The following MIPOL1 variants were observed in gnomAD, a reference collection of about 807,000 sequenced individuals.
MIPOL1 encodes mirror-image polydactyly gene 1 protein.
In MIPOL1, 57 loss-of-function variants were observed where a neutral mutation model predicts 60.9. That is an observed-to-expected ratio of 0.94 (90% confidence interval 0.76 to 1.17). The LOEUF is 1.17. MIPOL1 is among the 50% of genes most tolerant of loss of function. The pLI is 0.00. For missense variants in MIPOL1, 551 were observed against 511.6 expected, an observed-to-expected ratio of 1.08 and a Z score of -0.74; for synonymous variants, 179 against 168.8, an observed-to-expected ratio of 1.06 and a Z score of -0.47.
chr14:37,525,665 C>T (rs2095442032), intron 12 of MIPOL1, among the ~76,000 whole-genome samples: 1 of 152,154 alleles, frequency 6.6e-6, no homozygotes, highest in Non-Finnish European at 1.5e-5. Flanking sequence ...TAATCAAACA[C>T]ATGAATGTTT....
intron 9 of MIPOL1, among the ~76,000 whole-genome samples, chr14:37,318,083 G>A (rs1318402482): frequency 1.3e-5 from 2 of 152,180 alleles, no homozygotes; most frequent in Admixed American, 1.3e-4. Context: ...AGCAGTCACT[G>A]TGATAAAGCA....
At chr14:37,398,458 A>G (rs1042869693) in intron 10 of MIPOL1, among the ~76,000 whole-genome samples, 1 of 152,110 alleles carries the variant, frequency 6.6e-6, no homozygotes, top group East Asian at 1.9e-4. Context: ...TGCTGTGTCC[A>G]TCCGAGTAGG....
At chr14:37,260,257 AAG>A in intron 3 of MIPOL1, among the ~76,000 whole-genome samples, 1 of 151,878 alleles carries the variant, frequency 6.6e-6, no homozygotes, top group Non-Finnish European at 1.5e-5. Flanking sequence ...AAAAAAAAAA[AAG>A]GAAACCTAAT....
At chr14:37,472,505 G>A (rs1467895163) in intron 11 of MIPOL1, among the ~76,000 whole-genome samples, 1 of 152,060 alleles carries the variant, frequency 6.6e-6, no homozygotes, top group Admixed American at 6.5e-5. Context: ...TATGCAGATG[G>A]CACTATTCTT....
intron 9 of MIPOL1, among the ~76,000 whole-genome samples, chr14:37,343,156 T>C (rs1430718869): frequency 6.6e-6 from 1 of 151,910 alleles, no homozygotes; most frequent in Non-Finnish European, 1.5e-5. Flanking sequence ...ATATCAGCTG[T>C]AGTGTATGTG....
intron 11 of MIPOL1, among the ~76,000 whole-genome samples, chr14:37,459,577 T>C (rs2094516297): frequency 6.6e-6 from 1 of 152,114 alleles, no homozygotes; most frequent in Non-Finnish European, 1.5e-5. Context: ...CACAGACAAA[T>C]TTTAGTACAT....
At chr14:37,443,766 A>AC (rs58727529) in intron 11 of MIPOL1, among the ~76,000 whole-genome samples, 1 of 143,404 alleles carries the variant, frequency 7.0e-6, no homozygotes, top group Non-Finnish European at 1.6e-5. Context: ...AAAAAAAAAA[A>AC]CCTCTACAAA....
intron 3 of MIPOL1, among the ~76,000 whole-genome samples, chr14:37,260,258 AG>A (rs1555372733): frequency 2.0e-5 from 3 of 151,166 alleles, no homozygotes; most frequent in Non-Finnish European, 4.4e-5. Context: ...AAAAAAAAAA[AG>A]GAAACCTAAT....
chr14:37,369,498 G>T lies in MIPOL1; in HGVS notation c.829-19G>T, dbSNP rs1192094286. 6.3e-7 allele frequency: 1 copy of T among 1,587,964 alleles called. No homozygotes were observed. Among genetic ancestry groups the T allele is most frequent in the East Asian group, 2.2e-5 (1 of 44,548 alleles). ...ATGCTATAACTCCTTTACTTAATGG[G>T]ATTCTTCCCCTGTGGCAGTGCAAAC... is the stretch of plus-strand genomic sequence containing the variant. On this transcript the variant is annotated intron_variant, in intron 9 of 12. Coordinates refer to ENST00000684589, the MANE Select transcript of MIPOL1 (RefSeq NM_001388067.1).
Position 37,405,419 on chromosome 14 carries a change from A to G in MIPOL1, c.937-17436A>G, listed in dbSNP as rs112522679. Among the ~76,000 whole-genome samples the G allele has an allele frequency of 2.1e-3, 314 of 152,226 alleles. 1 individual carries two copies. The highest frequency in any genetic ancestry group is 7.0e-3 in the African/African-American group (292 of 41,564). Reference sequence around the variant, plus strand: ...AAACCATTTTAATTGTCATCTCTTAAAAACTTCAGTTTACTCGTTTTAATG... The same window carrying G: ...AAACCATTTTAATTGTCATCTCTTAGAAACTTCAGTTTACTCGTTTTAATG... On this transcript the variant is annotated intron_variant, in intron 10 of 12. Transcript: ENST00000684589.
intron 3 of MIPOL1, among the ~76,000 whole-genome samples, chr14:37,265,434 T>C (rs1469164738): frequency 6.6e-6 from 1 of 152,212 alleles, no homozygotes; most frequent in African/African-American, 2.4e-5. Flanking sequence ...TATTCATCTT[T>C]GTTTTCCCAG....
intron 1 of MIPOL1, among the ~76,000 whole-genome samples, chr14:37,221,588 G>A (rs1046858435): frequency 6.6e-6 from 1 of 152,140 alleles, no homozygotes; most frequent in African/African-American, 2.4e-5. Flanking sequence ...GAAGGTGAAG[G>A]GGAAGCAGGC....
At chr14:37,385,444 T>C (rs2093038633) in intron 10 of MIPOL1, 1 of 152,122 alleles carries the variant, frequency 6.6e-6, no homozygotes, top group Non-Finnish European at 1.5e-5. Flanking sequence ...GTGTTTGTGG[T>C]TGTCCGTGAC....
At chr14:37,483,688 T>G (rs1326121725) in intron 11 of MIPOL1, among the ~76,000 whole-genome samples, 3 of 151,890 alleles carry the variant, frequency 2.0e-5, no homozygotes, top group Non-Finnish European at 4.4e-5. Flanking sequence ...CAAGCTGGAG[T>G]GCAGTGGCAT....
chr14:37,210,043 CTTTAA>C (rs1314181153), intron 1 of MIPOL1, among the ~76,000 whole-genome samples: 1 of 152,060 alleles, frequency 6.6e-6, no homozygotes, highest in Non-Finnish European at 1.5e-5. Context: ...TAGCTTCCCT[CTTTAA>C]TTTAATAATA....
chr14:37,543,434 CCTGG>C (rs2095537160), intron 12 of MIPOL1, among the ~76,000 whole-genome samples: 1 of 152,028 alleles, frequency 6.6e-6, no homozygotes, highest in Non-Finnish European at 1.5e-5. Context: ...TGCCACCACA[CCTGG>C]CTAATTTTTT....
At chr14:37,253,788 A>G (rs1343665545) in intron 3 of MIPOL1, among the ~76,000 whole-genome samples, 1 of 151,746 alleles carries the variant, frequency 6.6e-6, no homozygotes, top group Non-Finnish European at 1.5e-5. Context: ...TATTTGATAG[A>G]CTATAGTATA....
rs918495868 is a variant in MIPOL1 at position 37,292,772 on chromosome 14, T to C, written c.623+7325T>C. Among the ~76,000 whole-genome samples, 60 of 152,264 alleles carry C rather than the reference T, an allele frequency of 3.9e-4. 1 individual carries two copies. Among genetic ancestry groups the C allele is most frequent in the African/African-American group, 1.3e-3 (56 of 41,572 alleles). On this transcript the variant is annotated intron_variant, in intron 7 of 12. Transcript: ENST00000684589. ...CTGGGATTACAGGTGTTAGCCACCA[T>C]GCCCAGCCTAATAAACATTTAATTT...
intron 1 of MIPOL1, among the ~76,000 whole-genome samples, chr14:37,205,056 G>A (rs960592502): frequency 3.3e-5 from 5 of 152,108 alleles, no homozygotes; most frequent in South Asian, 2.1e-4. Context: ...GAGATTTGTC[G>A]AACTTTGAAC....
Sources: allele counts gnomAD v4.1 joint callset (sites outside exome capture counted in the v4.1 genomes callset), GRCh38; gene constraint gnomAD v4.1.1; transcripts MANE v1.5; gene names NCBI Gene and HGNC (gene_info 2026-07-23, HGNC 2026-07-21).